MYOF: variants seen among roughly 807,000 people sequenced by gnomAD.
MYOF encodes fer-1-like 3, myoferlin.
In MYOF, 244 loss-of-function variants were observed where a neutral mutation model predicts 284.2. That is an observed-to-expected ratio of 0.86 (90% CI 0.77 to 0.95). The LOEUF is 0.95. MYOF is among the 40% of genes least tolerant of loss of function. The pLI is 0.00. For synonymous variants in MYOF, 904 were observed against 919.7 expected, an observed-to-expected ratio of 0.98 and a Z score of 0.31; for missense variants, 2,496 against 2,560.6, an observed-to-expected ratio of 0.97 and a Z score of 0.54.
intron 37 of MYOF, among the ~76,000 whole-genome samples, chr10:93,346,047 A>G (rs1012900414): frequency 6.6e-6 from 1 of 152,262 alleles, no homozygotes; most frequent in South Asian, 2.1e-4. Flanking sequence ...AAGCCAGGAA[A>G]GTGGTTTCTC....
chr10:93,468,461 C>A (rs1465053814), intron 1 of MYOF, among the ~76,000 whole-genome samples: 1 of 152,258 alleles, frequency 6.6e-6, no homozygotes, highest in African/African-American at 2.4e-5. Context: ...CTGCTTCCTT[C>A]AGGCAAGCTT....
At chr10:93,323,208 C>G (rs1263773816) in intron 47 of MYOF, 35 bp from the exon 48 acceptor site, 1 of 1,613,388 alleles carries the variant, frequency 6.2e-7, no homozygotes, top group Non-Finnish European at 8.5e-7. Context: ...ACTTTTTTTT[C>G]TGGTCCTGGA....
chr10:93,396,061 T>C, intron 16 of MYOF, 81 bp downstream of exon 16: 14 of 1,064,094 alleles, frequency 1.3e-5, no homozygotes, highest in Non-Finnish European at 1.8e-5. Flanking sequence ...TACTGTGAGG[T>C]GGCTACCCCA....
chr10:93,344,559 A>C (rs900517533), intron 37 of MYOF, among the ~76,000 whole-genome samples: 2 of 152,044 alleles, frequency 1.3e-5, no homozygotes, highest in African/African-American at 4.8e-5. Flanking sequence ...AACAGAAAAT[A>C]AAGAAGAGAA....
intron 1 of MYOF, among the ~76,000 whole-genome samples, chr10:93,476,457 G>A (rs1468209193): frequency 6.6e-6 from 1 of 151,400 alleles, no homozygotes; most frequent in Non-Finnish European, 1.5e-5. Context: ...TCACCATGTT[G>A]GCCAGGAAGT....
intron 1 of MYOF, among the ~76,000 whole-genome samples, chr10:93,478,930 A>G (rs1199134346): frequency 6.6e-6 from 1 of 152,060 alleles, no homozygotes; most frequent in Non-Finnish European, 1.5e-5. Flanking sequence ...TCCCAAGTAC[A>G]GTGTAGCTAT....
chr10:93,357,952 G>C (rs1310084230), intron 29 of MYOF, among the ~76,000 whole-genome samples: 1 of 152,076 alleles, frequency 6.6e-6, no homozygotes, highest in Admixed American at 6.6e-5. Flanking sequence ...AAACAATAGA[G>C]AGACATTCAT....
rs1282603967 is a variant in MYOF at position 93,329,646 on chromosome 10, A to G, written c.4982+18T>C. Reference sequence around the variant, plus strand: ...TCAGAGGCAGCAAAGTGCCTCTTGTACAGTCAAAGCAACTTACACACAGTA... The same window carrying G: ...TCAGAGGCAGCAAAGTGCCTCTTGTGCAGTCAAAGCAACTTACACACAGTA... On this transcript the variant is annotated intron_variant, in intron 44 of 53. Coordinates refer to ENST00000359263, the MANE Select transcript of MYOF (RefSeq NM_013451.4). 2 of 1,613,216 alleles carry G rather than the reference A, an allele frequency of 1.2e-6. No individual in the cohort carries two copies. Among genetic ancestry groups the G allele is most frequent in the Non-Finnish European group, 1.7e-6 (2 of 1,179,948 alleles).
chr10:93,402,196 T>G, intron 11 of MYOF, 36 bp downstream of exon 11: 4 of 1,562,320 alleles, frequency 2.6e-6, no homozygotes, highest in Non-Finnish European at 3.5e-6. Context: ...TCTTTTTTAG[T>G]GAGAAGTGTA....
chr10:93,460,421 G>A (rs543635405), intron 1 of MYOF, among the ~76,000 whole-genome samples: 1 of 152,338 alleles, frequency 6.6e-6, no homozygotes, highest in South Asian at 2.1e-4. Context: ...TCCACTGTGT[G>A]CCAGTAACAG....
rs554382170 is a variant in MYOF, at chr10:93,349,591, A to G, written c.4083+217T>C. On this transcript the variant is annotated intron_variant, in intron 36 of 53. Coordinates refer to ENST00000359263, the MANE Select transcript of MYOF (RefSeq NM_013451.4). ...AGAAATAAGTAAGTATTGCTCACAG[A>G]TATTTCTGTGCCACTGGAGTTATTT... is the stretch of plus-strand genomic sequence containing the variant. 5.0e-3 allele frequency among the ~76,000 whole-genome samples: 763 copies of G among 152,350 alleles called. 7 individuals carry two copies. The highest frequency in any genetic ancestry group is 0.017 in the Middle Eastern group (5 of 294).
rs796964589 is a variant in MYOF at position 93,447,492 on chromosome 10, T to C, written c.236+4558A>G. Among the ~76,000 whole-genome samples the C allele has an allele frequency of 3.2e-4, 48 of 152,324 alleles. 1 individual carries two copies. Among genetic ancestry groups the C allele is most frequent in the Middle Eastern group, 3.4e-3 (1 of 294 alleles). On this transcript the variant is annotated intron_variant, in intron 3 of 53. Transcript: ENST00000359263. ...CCCCTACACCTGGAACTGGTTATTT[T>C]TTGTAACTGCTTTTGTAACCAATTA...
At chr10:93,307,551 C>T (rs557883563) in intron 53 of MYOF, among the ~76,000 whole-genome samples, 7 of 152,140 alleles carry the variant, frequency 4.6e-5, no homozygotes, top group African/African-American at 1.7e-4. Flanking sequence ...CCGCCTGCCT[C>T]GGCCTCCAAA....
chr10:93,456,495 T>C (rs2056747339), intron 2 of MYOF, among the ~76,000 whole-genome samples: 1 of 152,220 alleles, frequency 6.6e-6, no homozygotes, highest in Non-Finnish European at 1.5e-5. Flanking sequence ...ATTTGTCACA[T>C]GCAGACATGT....
chr10:93,426,236 G>A, intron 4 of MYOF, 78 bp from the exon 5 acceptor site: 3 of 1,424,720 alleles, frequency 2.1e-6, no homozygotes, highest in South Asian at 1.3e-5. Flanking sequence ...AGTGACTTCA[G>A]CAGGAGCCAA....
chr10:93,398,295 G>T (rs527310006), intron 13 of MYOF, among the ~76,000 whole-genome samples: 2 of 152,198 alleles, frequency 1.3e-5, no homozygotes, highest in African/African-American at 4.8e-5. Flanking sequence ...CTGCTCAACT[G>T]TCACTTTCTC....
chr10:93,455,831 C>T (rs1351169309), intron 2 of MYOF, among the ~76,000 whole-genome samples: 1 of 151,994 alleles, frequency 6.6e-6, no homozygotes, highest in South Asian at 2.1e-4. Context: ...GAGGTTTGAC[C>T]CAGCTTTTGA....
chr10:93,378,625 G>A (rs1256185860), intron 21 of MYOF, among the ~76,000 whole-genome samples: 1 of 146,864 alleles, frequency 6.8e-6, no homozygotes. Context: ...AATGCCAGAT[G>A]GATTTTAGCA....
intron 45 of MYOF, among the ~76,000 whole-genome samples, chr10:93,326,975 C>G (rs1843075766): frequency 6.6e-6 from 1 of 152,080 alleles, no homozygotes; most frequent in Non-Finnish European, 1.5e-5. Context: ...TGACACTTCT[C>G]CCATGAAGAG....
Sources: allele counts gnomAD v4.1 joint callset (sites outside exome capture counted in the v4.1 genomes callset), GRCh38; gene constraint gnomAD v4.1.1; transcripts MANE v1.5; gene names NCBI Gene and HGNC (gene_info 2026-07-23, HGNC 2026-07-21).